TRPM7: variants seen among roughly 807,000 people sequenced by gnomAD.
TRPM7 encodes LTRPC ion channel family member 7.
In TRPM7, 134 loss-of-function variants were observed where a neutral mutation model predicts 229.7. That is an observed-to-expected ratio of 0.58 (90% CI 0.51 to 0.67). TRPM7 has a LOEUF of 0.67. Among genes scored for constraint, TRPM7 ranks in the 30% least tolerant of loss-of-function variants. The pLI is 0.00. For missense variants in TRPM7, 1,901 were observed against 2,210.0 expected (o/e 0.86, Z 2.80); for synonymous variants, 699 against 715.2 (o/e 0.98, Z 0.36).
Position 50,585,050 on chromosome 15 carries a change from A to ATTTTTTTTT in TRPM7, c.4486+1333_4486+1341dup, listed in dbSNP as rs755433337. ...GCCACCACATCTAGCTAATTTTTGTATTTTTTTTTTTTTTTTTTTTTTGAG... is the reference window on the plus strand; with the variant it reads ...GCCACCACATCTAGCTAATTTTTGTATTTTTTTTTTTTTTTTTTTTTTTTTTTTTTTGAG... On this transcript the variant is annotated intron_variant, in intron 28 of 38. Coordinates refer to ENST00000646667, the MANE Select transcript of TRPM7 (RefSeq NM_017672.6). Among the ~76,000 whole-genome samples, 117 of 95,008 alleles carry ATTTTTTTTT rather than the reference A, an allele frequency of 1.2e-3. 1 individual carries two copies. Among genetic ancestry groups the ATTTTTTTTT allele is most frequent in the Non-Finnish European group, 1.4e-3 (71 of 50,148 alleles). The allele number at this position is 95,008 out of a possible 152,430, so 62.3% of individuals were successfully genotyped here.
At chr15:50,563,010 G>A (rs1596038958) in intron 38 of TRPM7, among the ~76,000 whole-genome samples, 2 of 152,150 alleles carry the variant, frequency 1.3e-5, no homozygotes, top group East Asian at 3.9e-4. Context: ...AGTGTGCTTT[G>A]CGAATGGTAA....
At chr15:50,668,314 ACTTTTTTG>A (rs747784759) in intron 1 of TRPM7, among the ~76,000 whole-genome samples, 200 of 152,236 alleles carry the variant, frequency 1.3e-3, no homozygotes, top group Non-Finnish European at 2.2e-3. Context: ...CATCTTTTTT[ACTTTTTTG>A]CTTAAAACGT....
At chr15:50,581,199 C>T (rs192450326) in intron 29 of TRPM7, among the ~76,000 whole-genome samples, 1 of 152,156 alleles carries the variant, frequency 6.6e-6, no homozygotes, top group Non-Finnish European at 1.5e-5. Context: ...ATTCTATTCT[C>T]TTAAAATATA....
chr15:50,657,401 G>A (rs143581488), intron 3 of TRPM7, among the ~76,000 whole-genome samples: 1,527 of 152,228 alleles, frequency 0.01, 33 homozygotes, highest in African/African-American at 0.035. Context: ...AAAAGCATGT[G>A]CAACAAAAAG....
At chr15:50,657,759 G>A (rs770461711) in intron 3 of TRPM7, 22 bp downstream of exon 3, 27 of 1,602,414 alleles carry the variant, frequency 1.7e-5, no homozygotes, top group South Asian at 3.4e-5. Flanking sequence ...AAATTTGTGC[G>A]GTATAGTTAT....
chr15:50,637,336 T>A, intron 7 of TRPM7, 86 bp downstream of exon 7: 1 of 1,304,966 alleles, frequency 7.7e-7, no homozygotes, highest in Non-Finnish European at 1.1e-6. Context: ...AAAGAGCACT[T>A]CAAAGAACAT....
At chr15:50,679,096 T>A (rs1249680110) in intron 1 of TRPM7, among the ~76,000 whole-genome samples, 1 of 136,350 alleles carries the variant, frequency 7.3e-6, no homozygotes, top group Non-Finnish European at 1.6e-5. Flanking sequence ...ATGGTCTCGA[T>A]CTCTTGACCT....
At chr15:50,596,771 G>C (rs2059643074) in intron 22 of TRPM7, among the ~76,000 whole-genome samples, 1 of 152,036 alleles carries the variant, frequency 6.6e-6, no homozygotes, top group Non-Finnish European at 1.5e-5. Context: ...TTTCCCCTGA[G>C]ACGGAGTCTT....
chr15:50,655,748 A>G (rs1484157611), intron 3 of TRPM7, among the ~76,000 whole-genome samples: 6 of 152,200 alleles, frequency 3.9e-5, no homozygotes, highest in Non-Finnish European at 7.3e-5. Flanking sequence ...CTGGAATTCC[A>G]GCACTTTGGG....
At chr15:50,594,641 T>C (rs1205161640) in intron 23 of TRPM7, 28 bp from the exon 24 acceptor site, 2 of 1,437,278 alleles carry the variant, frequency 1.4e-6, no homozygotes, top group Non-Finnish European at 1.9e-6. Flanking sequence ...AAAAATAAAA[T>C]AAACTTTGTT....
chr15:50,568,477 T>G (rs922143903), intron 38 of TRPM7, among the ~76,000 whole-genome samples: 1 of 152,114 alleles, frequency 6.6e-6, no homozygotes, highest in Non-Finnish European at 1.5e-5. Flanking sequence ...CCAGCAATAA[T>G]AAAAAACAAA....
chr15:50,591,032 T>C (rs1356474572), intron 26 of TRPM7, among the ~76,000 whole-genome samples: 1 of 152,222 alleles, frequency 6.6e-6, no homozygotes, highest in Non-Finnish European at 1.5e-5. Context: ...CACTAAGGTC[T>C]TTAATGTGTT....
intron 4 of TRPM7, among the ~76,000 whole-genome samples, chr15:50,644,964 C>A (rs1452853882): frequency 4.0e-5 from 6 of 149,970 alleles, no homozygotes; most frequent in Admixed American, 1.3e-4. Flanking sequence ...TGCAGTGGCG[C>A]CACCACGGCT....
chr15:50,589,535 A>T lies in TRPM7; in HGVS notation c.4389+57T>A, dbSNP rs2140346921. 3.3e-6 allele frequency: 4 copies of T among 1,226,444 alleles called. No individual in the cohort carries two copies. The East Asian group carries it at 9.6e-5, about 29-fold the overall frequency. The allele number at this position is 1,226,444 out of a possible 1,614,324, so 76.0% of individuals were successfully genotyped here. ...AAATGTTTAATTAAATTTTGAACTA[A>T]ACATCAAGACAGTAAAATAAATAGA... On this transcript the variant is annotated intron_variant, in intron 27 of 38. Coordinates refer to ENST00000646667, the MANE Select transcript of TRPM7 (RefSeq NM_017672.6).
At chr15:50,614,716 A>G (rs2060170775) in intron 13 of TRPM7, among the ~76,000 whole-genome samples, 1 of 151,436 alleles carries the variant, frequency 6.6e-6, no homozygotes, top group South Asian at 2.1e-4. Context: ...GCCAGCAGCT[A>G]AGCTATCTTT....
intron 1 of TRPM7, among the ~76,000 whole-genome samples, chr15:50,666,055 A>G (rs1002608864): frequency 3.9e-5 from 6 of 152,340 alleles, no homozygotes; most frequent in Admixed American, 1.3e-4. Context: ...CTTTAAAAAC[A>G]TATTGAAAGA....
intron 38 of TRPM7, among the ~76,000 whole-genome samples, chr15:50,564,361 G>A (rs1032622126): frequency 3.3e-5 from 5 of 151,484 alleles, no homozygotes; most frequent in African/African-American, 1.2e-4. Context: ...AGGAGCTTGG[G>A]AAATATGTCA....
chr15:50,566,245 G>C (rs2053592914), intron 38 of TRPM7, among the ~76,000 whole-genome samples: 1 of 151,870 alleles, frequency 6.6e-6, no homozygotes, highest in Non-Finnish European at 1.5e-5. Context: ...AACTATTTAA[G>C]AACTAAACAA....
At position 50,647,891 on chromosome 15, in the gene TRPM7, T is replaced by G. The variant is rs138647141; in HGVS notation, c.321+796A>C. ...TGTGTAGACTTTATTTACCTGTCATTATTCCTTAACAGTGCAATTTAACAA... is the reference window on the plus strand; with the variant it reads ...TGTGTAGACTTTATTTACCTGTCATGATTCCTTAACAGTGCAATTTAACAA... On this transcript the variant is annotated intron_variant, in intron 4 of 38. Transcript: ENST00000646667. 9.6e-3 allele frequency among the ~76,000 whole-genome samples: 1,467 copies of G among 152,350 alleles called. 31 individuals carry two copies. The highest frequency in any genetic ancestry group is 0.033 in the African/African-American group (1,388 of 41,578).
Sources: allele counts gnomAD v4.1 joint callset (sites outside exome capture counted in the v4.1 genomes callset), GRCh38; gene constraint gnomAD v4.1.1; transcripts MANE v1.5; gene names NCBI Gene and HGNC (gene_info 2026-07-23, HGNC 2026-07-21).